The following GREB1L variants were observed in gnomAD, a reference collection of about 807,000 sequenced individuals.
The protein encoded by GREB1L is GREB1 like retinoic acid receptor coactivator.
In GREB1L, 17 loss-of-function variants were observed where a neutral mutation model predicts 200.8. That is an observed-to-expected ratio of 0.08 (90% CI 0.06 to 0.13). The LOEUF is 0.13. Among genes scored for constraint, GREB1L ranks in the 10% least tolerant of loss-of-function variants. The pLI is 1.00. For synonymous variants in GREB1L, 789 were observed against 893.0 expected, an observed-to-expected ratio of 0.88 and a Z score of 2.08; for missense variants, 1,657 against 2,367.7, an observed-to-expected ratio of 0.70 and a Z score of 6.23.
chr18:21,499,989 A>G lies in GREB1L; in HGVS notation c.3652A>G (p.Ile1218Val), dbSNP rs1374448207. The G allele has an allele frequency of 1.9e-6, 3 of 1,551,538 alleles. No individual in the cohort carries two copies. Among genetic ancestry groups the G allele is most frequent in the Non-Finnish European group, 2.6e-6 (3 of 1,146,994 alleles). ...GACCCTCCCATGGCCGGGACAGCCC[A>G]TCAGAGGCTGCCGGGGCCCACAGGC... ...PRTLPWPGQP[I>V]RGCRGPQAAL... The change falls in exon 22 of 33, where the codon ATC becomes GTC. Residue 1218 changes from isoleucine to valine, a missense_variant. Physicochemically the swap from Ile to Val is conservative, Grantham distance 29. This residue lies in a region of GREB1L where 512 missense variants were observed against 668.3 expected (regional missense o/e 0.77). Transcript: ENST00000424526.
intron 1 of GREB1L, among the ~76,000 whole-genome samples, chr18:21,254,571 T>TA (rs998549605): frequency 5.3e-5 from 8 of 151,924 alleles, no homozygotes; most frequent in South Asian, 2.1e-4. Flanking sequence ...CAGCTGCATG[T>TA]AAAAAAAGCA....
chr18:21,312,422 G>A (rs1271524590), intron 1 of GREB1L, among the ~76,000 whole-genome samples: 5 of 152,088 alleles, frequency 3.3e-5, no homozygotes, highest in Admixed American at 6.5e-5. Context: ...CACAGTGGTC[G>A]AAGTAATTCA....
intron 4 of GREB1L, among the ~76,000 whole-genome samples, chr18:21,390,810 C>CT (rs1183974089): frequency 6.6e-6 from 1 of 152,082 alleles, no homozygotes; most frequent in Non-Finnish European, 1.5e-5. Flanking sequence ...GCTGGGATTA[C>CT]AGGCGTGAGC....
In GREB1L at chr18:21,508,533, G is replaced by A; in HGVS notation, c.4677G>A (p.Lys1559=). The change falls in exon 27 of 33, where the codon AAG becomes AAA. Residue 1559 remains lysine (K), a synonymous_variant. Transcript: ENST00000424526. ...AGTATGAGATGCCTCTGTACCGCAA[G>A]TACTGGCCCAACCACATCATGCTGG... The part of the protein sequence containing the change: ...VKEYEMPLYR[K]YWPNHIMLVL... 1 of 1,551,818 alleles carries A rather than the reference G, an allele frequency of 6.4e-7. No individual in the cohort carries two copies. Among genetic ancestry groups the A allele is most frequent in the Non-Finnish European group, 8.7e-7 (1 of 1,147,052 alleles).
At chr18:21,509,228 C>T (rs758362303) in intron 27 of GREB1L, among the ~76,000 whole-genome samples, 1 of 152,230 alleles carries the variant, frequency 6.6e-6, no homozygotes, top group Non-Finnish European at 1.5e-5. Context: ...TCAGGCAGGA[C>T]ATCTCTAACT....
intron 1 of GREB1L, among the ~76,000 whole-genome samples, chr18:21,266,908 A>C (rs1350242627): frequency 6.6e-6 from 1 of 152,138 alleles, no homozygotes; most frequent in Non-Finnish European, 1.5e-5. Flanking sequence ...GTATCAGATA[A>C]TCTGACATTT....
At chr18:21,350,226 T>TTTTC (rs1231288300) in intron 1 of GREB1L, among the ~76,000 whole-genome samples, 1 of 151,562 alleles carries the variant, frequency 6.6e-6, no homozygotes, top group Admixed American at 6.6e-5. Flanking sequence ...TAGATTTTTC[T>TTTTC]TTTCTTTCTT....
chr18:21,274,220 T>C (rs891038465), intron 1 of GREB1L, among the ~76,000 whole-genome samples: 2 of 152,126 alleles, frequency 1.3e-5, no homozygotes, highest in African/African-American at 4.8e-5. Flanking sequence ...TCTGGGGTCT[T>C]TTTTATAAGG....
At chr18:21,295,172 G>A (rs2038507549) in intron 1 of GREB1L, among the ~76,000 whole-genome samples, 2 of 152,050 alleles carry the variant, frequency 1.3e-5, no homozygotes, top group South Asian at 4.2e-4. Context: ...CCTAAAATGG[G>A]GTGGTTAGGG....
rs1235276972 is a variant in GREB1L, at chr18:21,490,291, C to T, written c.2970C>T (p.Ile990=). The change falls in exon 19 of 33, where the codon ATC becomes ATT. Residue 990 remains isoleucine (I), a synonymous_variant. Transcript: ENST00000424526. The part of the protein sequence containing the change: ...DKLGLQYRFE[I]ILGNPATELS... The stretch of plus-strand genomic sequence containing the variant: ...TGGGTCTGCAGTATCGGTTTGAGAT[C>T]ATCCTTGGGAACCCGGCCACCGAAC... 1 of 1,551,738 alleles carries T rather than the reference C, an allele frequency of 6.4e-7. No homozygotes were observed. The highest frequency in any genetic ancestry group is 2.4e-5 in the East Asian group (1 of 40,926).
intron 17 of GREB1L, among the ~76,000 whole-genome samples, chr18:21,484,101 T>G (rs567043767): frequency 6.6e-6 from 1 of 151,990 alleles, no homozygotes; most frequent in South Asian, 2.1e-4. Flanking sequence ...CCAATCTTCC[T>G]TCTCTTACCC....
chr18:21,470,970 A>G (rs527283026), intron 15 of GREB1L, among the ~76,000 whole-genome samples: 3 of 152,366 alleles, frequency 2.0e-5, no homozygotes, highest in African/African-American at 7.2e-5. Flanking sequence ...AGCTGCAAAT[A>G]AAACAATCAG....
intron 7 of GREB1L, among the ~76,000 whole-genome samples, chr18:21,426,914 G>A (rs1456239009): frequency 2.7e-5 from 4 of 147,132 alleles, no homozygotes; most frequent in African/African-American, 7.5e-5. Context: ...AGCCGAGATC[G>A]TGCCACTGCA....
chr18:21,315,726 G>A (rs540752840), intron 1 of GREB1L, among the ~76,000 whole-genome samples: 10 of 152,044 alleles, frequency 6.6e-5, no homozygotes, highest in African/African-American at 4.8e-5. Flanking sequence ...GCTAAAGTAC[G>A]TTTCATCCTT....
chr18:21,429,160 C>A (rs1253168747), intron 7 of GREB1L, among the ~76,000 whole-genome samples: 2 of 95,786 alleles, frequency 2.1e-5, no homozygotes, highest in African/African-American at 4.3e-5. Flanking sequence ...CCTTCCCTCC[C>A]TCCCTTCCCC....
At chr18:21,259,924 T>G (rs2037863005) in intron 1 of GREB1L, among the ~76,000 whole-genome samples, 1 of 151,932 alleles carries the variant, frequency 6.6e-6, no homozygotes, top group Non-Finnish European at 1.5e-5. Context: ...CCTTTTTTTT[T>G]GTCTTATTGA....
intron 26 of GREB1L, 30 bp from the exon 27 acceptor site, chr18:21,508,357 T>C (rs1464038818): frequency 1.3e-6 from 2 of 1,550,748 alleles, no homozygotes; most frequent in Admixed American, 2.0e-5. Flanking sequence ...TTAATTTCCC[T>C]TTATGGTCTG....
At chr18:21,475,178 C>T (rs1442830460) in intron 16 of GREB1L, among the ~76,000 whole-genome samples, 2 of 152,066 alleles carry the variant, frequency 1.3e-5, no homozygotes, top group East Asian at 3.9e-4. Flanking sequence ...GATGTGCTTC[C>T]CTCTCTGCCT....
intron 17 of GREB1L, among the ~76,000 whole-genome samples, chr18:21,483,237 G>C (rs1462356398): frequency 6.6e-6 from 1 of 152,220 alleles, no homozygotes; most frequent in Non-Finnish European, 1.5e-5. Flanking sequence ...AGCAGGCTCG[G>C]AATAGGATTT....
Sources: gnomAD v4.1 joint callset for allele counts (sites outside exome capture counted in the v4.1 genomes callset) on GRCh38, gnomAD v4.1.1 for gene constraint, gnomAD v4.1.1 regional missense constraint, MANE v1.5 for transcripts, NCBI Gene and HGNC (gene_info 2026-07-23, HGNC 2026-07-21) for gene names.